Variants in LRRC37A2 observed in about 807,000 individuals in gnomAD.
The protein encoded by LRRC37A2 is leucine-rich repeat-containing protein 37A2.
LRRC37A2 carries 9 observed loss-of-function variants against 68.8 expected under a neutral mutation model. That is an observed-to-expected ratio of 0.13 (90% confidence interval 0.08 to 0.23). The LOEUF (loss-of-function observed/expected upper bound fraction) is 0.23, where lower values mean the gene tolerates loss of function less well. LRRC37A2 is among the 10% of genes least tolerant of loss of function. LRRC37A2 has a pLI of 1.00. For synonymous variants in LRRC37A2, 63 were observed against 367.6 expected (o/e 0.17, Z 9.48); for missense variants, 168 against 950.4 (o/e 0.18, Z 10.82).
At chr17:47,023,969 G>T in the LRRC37A2 span, among the ~76,000 whole-genome samples, 7 of 152,168 alleles carry the variant, frequency 4.6e-5, no homozygotes, top group Non-Finnish European at 1.0e-4. Flanking sequence ...TAGAGAGAGG[G>T]ATATGATTGG....
chr17:46,708,383 CCTAATGAATA>C, the LRRC37A2 span, among the ~76,000 whole-genome samples: 1 of 151,968 alleles, frequency 6.6e-6, no homozygotes, highest in Non-Finnish European at 1.5e-5. Context: ...TAGTAGCCAT[CCTAATGAATA>C]TGAAGTGACA....
the LRRC37A2 span, chr17:46,726,524 A>G: frequency 1.9e-6 from 3 of 1,610,086 alleles, no homozygotes; most frequent in Non-Finnish European, 1.7e-6. Context: ...ACAGTGAGAT[A>G]ATAAATGACT....
chr17:46,832,613 G>A, the LRRC37A2 span, among the ~76,000 whole-genome samples: 6 of 152,144 alleles, frequency 3.9e-5, no homozygotes, highest in South Asian at 2.1e-4. Context: ...CCCTGCCCCC[G>A]CCCCTGCCGC....
the LRRC37A2 span, among the ~76,000 whole-genome samples, chr17:46,779,103 A>ACACACACACACACACACACAC: frequency 1.0e-4 from 14 of 133,656 alleles, no homozygotes; most frequent in African/African-American, 3.8e-4. Context: ...ACACACACAC[A>ACACACACACACACACACACAC]CCCCAGCCCA....
the LRRC37A2 span, among the ~76,000 whole-genome samples, chr17:47,044,837 C>G: frequency 7.2e-6 from 1 of 138,902 alleles, no homozygotes; most frequent in African/African-American, 2.6e-5. Context: ...CATGGTGAAA[C>G]CCCATTTCTA....
At chr17:46,791,344 C>A in the LRRC37A2 span, among the ~76,000 whole-genome samples, 1 of 152,070 alleles carries the variant, frequency 6.6e-6, no homozygotes, top group African/African-American at 2.4e-5. Flanking sequence ...ACTGGGATTA[C>A]AGACGAGGAC....
At chr17:46,718,300 C>T in the LRRC37A2 span, among the ~76,000 whole-genome samples, 4 of 152,118 alleles carry the variant, frequency 2.6e-5, no homozygotes, top group South Asian at 2.1e-4. Context: ...CTGGCCATGC[C>T]GGGCCAGCCC....
chr17:46,958,124 T>A, the LRRC37A2 span, among the ~76,000 whole-genome samples: 2 of 152,174 alleles, frequency 1.3e-5, no homozygotes, highest in African/African-American at 4.8e-5. Context: ...CAGGACTTTC[T>A]TTCCATTGGC....
chr17:46,489,826 G>A, the LRRC37A2 span, among the ~76,000 whole-genome samples: 1 of 150,608 alleles, frequency 6.6e-6, no homozygotes, highest in Non-Finnish European at 1.5e-5. Flanking sequence ...GTCTACTAAG[G>A]TTTACTCAGA....
chr17:46,463,079 TA>T, the LRRC37A2 span, among the ~76,000 whole-genome samples: 1 of 39,326 alleles, frequency 2.5e-5, no homozygotes, highest in Non-Finnish European at 5.2e-5. Flanking sequence ...TACCACAATT[TA>T]AAAAAACTGT....
chr17:46,761,497 G>A, the LRRC37A2 span, among the ~76,000 whole-genome samples: 20 of 151,708 alleles, frequency 1.3e-4, no homozygotes, highest in African/African-American at 4.8e-4. Context: ...ATGCCCAGCT[G>A]CTAATTTTTG....
the LRRC37A2 span, among the ~76,000 whole-genome samples, chr17:46,943,858 A>G: frequency 1.3e-5 from 2 of 152,190 alleles, no homozygotes; most frequent in African/African-American, 4.8e-5. Context: ...AGAGTGACCA[A>G]CTTGTCTGGG....
the LRRC37A2 span, among the ~76,000 whole-genome samples, chr17:47,020,013 G>A: frequency 4.1e-5 from 6 of 147,366 alleles, no homozygotes; most frequent in Non-Finnish European, 7.5e-5. Context: ...TCTTTTACTC[G>A]TTTTCGTATC....
the LRRC37A2 span, among the ~76,000 whole-genome samples, chr17:46,685,511 A>G: frequency 6.6e-6 from 1 of 151,974 alleles, no homozygotes; most frequent in Non-Finnish European, 1.5e-5. Context: ...TTAAATATAG[A>G]ACAGCCGCTT....
At chr17:46,745,886 C>T in the LRRC37A2 span, among the ~76,000 whole-genome samples, 1 of 152,182 alleles carries the variant, frequency 6.6e-6, no homozygotes, top group Non-Finnish European at 1.5e-5. Context: ...TACCTCAACA[C>T]CCAGCTTTTG....
chr17:46,804,276 CG>C, the LRRC37A2 span, among the ~76,000 whole-genome samples: 28 of 151,890 alleles, frequency 1.8e-4, no homozygotes, highest in Non-Finnish European at 4.1e-4. Context: ...TTAGTAGAGA[CG>C]GGGTTTCAGC....
chr17:46,952,420 C>T, the LRRC37A2 span, among the ~76,000 whole-genome samples: 1 of 152,166 alleles, frequency 6.6e-6, no homozygotes, highest in Non-Finnish European at 1.5e-5. Flanking sequence ...CCATTCCTCC[C>T]CTATTCTCAC....
chr17:46,878,938 CTCTTCTTCCTT>C, the LRRC37A2 span, among the ~76,000 whole-genome samples: 10 of 152,322 alleles, frequency 6.6e-5, no homozygotes, highest in East Asian at 1.9e-3. Context: ...CTCTCTCCCT[CTCTTCTTCCTT>C]GCTCTCATCC....
chr17:46,971,578 C>A, the LRRC37A2 span, among the ~76,000 whole-genome samples: 3 of 152,146 alleles, frequency 2.0e-5, no homozygotes, highest in Non-Finnish European at 2.9e-5. Context: ...CATGTATGTA[C>A]ATGTAGGAGC....
Sources: allele counts gnomAD v4.1 joint callset (sites outside exome capture counted in the v4.1 genomes callset), GRCh38; gene constraint gnomAD v4.1.1; transcripts MANE v1.5; gene names NCBI Gene and HGNC (gene_info 2026-07-23, HGNC 2026-07-21).